Variants in OPCML observed in about 807,000 individuals in gnomAD.
OPCML encodes opioid binding protein/cell adhesion molecule like.
Under a neutral mutation model 37.8 loss-of-function variants are expected in OPCML, and 13 were observed. That is an observed-to-expected ratio of 0.34 (90% CI 0.22 to 0.55). The LOEUF is 0.55. OPCML is among the 20% of genes least tolerant of loss of function. The pLI, the probability that OPCML is intolerant of heterozygous loss-of-function variation, is 0.91. For synonymous variants in OPCML, 176 were observed against 168.8 expected, an observed-to-expected ratio of 1.04 and a Z score of -0.33; for missense variants, 341 against 435.6, an observed-to-expected ratio of 0.78 and a Z score of 1.93.
At position 133,068,384 on chromosome 11, in the gene OPCML, A is replaced by T. The variant is rs151077029; in HGVS notation, c.62-125374T>A. Among the ~76,000 whole-genome samples, 79 of 152,360 alleles carry T rather than the reference A, an allele frequency of 5.2e-4. 2 individuals carry two copies. Among genetic ancestry groups the T allele is most frequent in the Non-Finnish European group, 1.5e-5 (1 of 68,040 alleles). Reference sequence around the variant, plus strand: ...CATTTACATATGGGAGATTTCTGCCAGCAGAGGTCTATGCCCAAATGGTAA... The same window carrying T: ...CATTTACATATGGGAGATTTCTGCCTGCAGAGGTCTATGCCCAAATGGTAA... On this transcript the variant is annotated intron_variant, in intron 1 of 7. Transcript: ENST00000524381.
chr11:133,030,727 A>G (rs1947649982), intron 1 of OPCML, among the ~76,000 whole-genome samples: 1 of 152,178 alleles, frequency 6.6e-6, no homozygotes, highest in Admixed American at 6.5e-5. Context: ...TTTAGATTTT[A>G]AAAGGCTATT....
intron 1 of OPCML, among the ~76,000 whole-genome samples, chr11:133,495,953 TCTTGGTCATGAAAAC>T (rs1330343800): frequency 6.6e-6 from 1 of 152,200 alleles, no homozygotes; most frequent in African/African-American, 2.4e-5. Context: ...GCTTTTGGGT[TCTTGGTCATGAAAAC>T]CTTGCCTAAG....
intron 2 of OPCML, among the ~76,000 whole-genome samples, chr11:132,770,117 C>CT (rs1206427897): frequency 6.6e-6 from 1 of 152,068 alleles, no homozygotes; most frequent in Non-Finnish European, 1.5e-5. Flanking sequence ...AGAATTTCAG[C>CT]TTTTATTATC....
chr11:133,140,787 CGAAGAAGAAGAAGAAGAA>C (rs1384202815), intron 1 of OPCML, among the ~76,000 whole-genome samples: 1 of 118,860 alleles, frequency 8.4e-6, no homozygotes, highest in African/African-American at 3.8e-5. Context: ...AAGAAGACGA[CGAAGAAGAAGAAGAAGAA>C]GACGACGACG....
chr11:132,939,320 G>C (rs1945495895), intron 2 of OPCML, among the ~76,000 whole-genome samples: 1 of 152,120 alleles, frequency 6.6e-6, no homozygotes, highest in African/African-American at 2.4e-5. Flanking sequence ...TTATTCCTTG[G>C]CAGTAGTTAA....
intron 1 of OPCML, among the ~76,000 whole-genome samples, chr11:133,448,518 C>T (rs1048736270): frequency 3.9e-5 from 6 of 152,086 alleles, no homozygotes; most frequent in Admixed American, 2.0e-4. Flanking sequence ...AGTGCAAAGG[C>T]GCGATCTCGA....
chr11:133,418,524 G>T, intron 1 of OPCML: 1 of 938,696 alleles, frequency 1.1e-6, no homozygotes, highest in Non-Finnish European at 1.3e-6. Context: ...AATTATGACA[G>T]TAGGAGAAAC....
chr11:133,018,722 T>C (rs973828806), intron 1 of OPCML, among the ~76,000 whole-genome samples: 1 of 152,228 alleles, frequency 6.6e-6, no homozygotes, highest in Admixed American at 6.5e-5. Flanking sequence ...AGCCTCTTCC[T>C]GATCCCAGAG....
intron 1 of OPCML, among the ~76,000 whole-genome samples, chr11:133,428,585 GA>G (rs1467273738): frequency 1.3e-5 from 2 of 151,796 alleles, no homozygotes; most frequent in East Asian, 1.9e-4. Flanking sequence ...AACAAAGCAG[GA>G]AAAAAAGCAT....
At chr11:133,287,164 C>G (rs1942321411) in intron 1 of OPCML, among the ~76,000 whole-genome samples, 1 of 151,176 alleles carries the variant, frequency 6.6e-6, no homozygotes, top group Non-Finnish European at 1.5e-5. Flanking sequence ...TTTAAGTGTT[C>G]TAGAGGTCAC....
intron 1 of OPCML, among the ~76,000 whole-genome samples, chr11:133,519,688 C>A (rs942925030): frequency 1.3e-5 from 2 of 152,188 alleles, no homozygotes; most frequent in African/African-American, 4.8e-5. Flanking sequence ...AACAAACAAA[C>A]CTCTTGCCCT....
At chr11:133,378,327 C>A (rs1342455969) in intron 1 of OPCML, among the ~76,000 whole-genome samples, 1 of 152,144 alleles carries the variant, frequency 6.6e-6, no homozygotes, top group Non-Finnish European at 1.5e-5. Context: ...GAAATTACCA[C>A]CCTCTTTACT....
intron 3 of OPCML, among the ~76,000 whole-genome samples, chr11:132,549,660 G>C (rs1165897286): frequency 6.6e-6 from 1 of 152,200 alleles, no homozygotes; most frequent in East Asian, 1.9e-4. Flanking sequence ...AGCAAGCTGG[G>C]AGCTTGCACG....
At chr11:133,224,481 A>G (rs1307583369) in intron 1 of OPCML, among the ~76,000 whole-genome samples, 1 of 152,158 alleles carries the variant, frequency 6.6e-6, no homozygotes, top group Non-Finnish European at 1.5e-5. Context: ...GATGCAGATT[A>G]TGCCTCAGCT....
rs558760724 is a variant in OPCML, at chr11:132,901,609, G to T, written c.146+41317C>A. On this transcript the variant is annotated intron_variant, in intron 2 of 7. Transcript: ENST00000524381. ...TAAGGGCAACAAATTTGGGGTGCAG[G>T]TTCCCCACTAACATGTCACACTGGC... 2.6e-5 allele frequency among the ~76,000 whole-genome samples: 4 copies of T among 152,242 alleles called. No individual in the cohort carries two copies. The South Asian group carries it at 6.2e-4, about 24-fold the overall frequency.
intron 3 of OPCML, among the ~76,000 whole-genome samples, chr11:132,609,832 G>A (rs558287060): frequency 1.5e-4 from 23 of 152,242 alleles, no homozygotes; most frequent in African/African-American, 5.1e-4. Flanking sequence ...CTGTCTGATC[G>A]ATATCTGTAT....
intron 4 of OPCML, among the ~76,000 whole-genome samples, chr11:132,479,215 G>C (rs2096168707): frequency 6.6e-6 from 1 of 152,228 alleles, no homozygotes; most frequent in African/African-American, 2.4e-5. Context: ...CACTCAGGAA[G>C]TGCAAGGGGT....
rs1351143049 is a variant in OPCML at position 133,177,185 on chromosome 11, G to A, written c.62-234175C>T. ...TCATATTTGAGAGCACATCTGTGAA[G>A]GGCTCAGGGCACAGCAACGTGTGTC... On this transcript the variant is annotated intron_variant, in intron 1 of 7. Transcript: ENST00000524381. The surrounding 1 kb of genome is among the most constrained non-coding windows in gnomAD (Gnocchi z 5.0). Among the ~76,000 whole-genome samples, 1 of 152,248 alleles carries A rather than the reference G, an allele frequency of 6.6e-6. No homozygotes were observed. The highest frequency in any genetic ancestry group is 1.9e-4 in the East Asian group (1 of 5,196).
At chr11:132,463,768 A>G (rs2096110821) in intron 4 of OPCML, among the ~76,000 whole-genome samples, 1 of 152,344 alleles carries the variant, frequency 6.6e-6, no homozygotes, top group Admixed American at 6.5e-5. Flanking sequence ...AGCTTTCTAA[A>G]AATACATATT....
Sources: gnomAD v4.1 joint callset for allele counts (sites outside exome capture counted in the v4.1 genomes callset) on GRCh38, gnomAD v4.1.1 for gene constraint, Gnocchi (gnomAD v3.1) non-coding constraint, MANE v1.5 for transcripts, NCBI Gene and HGNC (gene_info 2026-07-23, HGNC 2026-07-21) for gene names.